The following SDHAF3 variants were observed in gnomAD, a reference collection of about 807,000 sequenced individuals.
The protein encoded by SDHAF3 is succinate dehydrogenase complex assembly factor 3.
Under a neutral mutation model 11.5 loss-of-function variants are expected in SDHAF3, and 18 were observed. The observed-to-expected ratio is 1.56, with a 90% CI of 1.08 to 2.32. The LOEUF is 2.32. Ranked by LOEUF, SDHAF3 falls within the 30% of genes most tolerant of loss-of-function variation. SDHAF3 has a pLI of 0.00. For synonymous variants in SDHAF3, 72 were observed against 59.3 expected, an observed-to-expected ratio of 1.21 and a Z score of -0.99; for missense variants, 200 against 154.4, an observed-to-expected ratio of 1.30 and a Z score of -1.57.
rs1337892153 is a variant in SDHAF3, at chr7:97,181,725, A to G, written c.*510A>G. 1 of 153,552 alleles carries G rather than the reference A, an allele frequency of 6.5e-6. No homozygotes were observed. Among genetic ancestry groups the G allele is most frequent in the African/African-American group, 2.4e-5 (1 of 41,442 alleles). 9.5% of individuals were successfully genotyped at this position (153,552 alleles called of 1,614,324 possible). ...AAGAAGCTTTAAAATTCACTATTTT[A>G]CTATCAATCATTTGTATAATAAACT... On this transcript the variant is annotated 3_prime_UTR_variant, in exon 2 of 2. Transcript: ENST00000432641.
intron 1 of SDHAF3, among the ~76,000 whole-genome samples, chr7:97,145,503 A>T (rs1292612915): frequency 1.3e-5 from 2 of 152,172 alleles, no homozygotes; most frequent in Non-Finnish European, 2.9e-5. Flanking sequence ...ATAGTGTTTA[A>T]ATAATTGGTT....
At chr7:97,160,411 G>A (rs750311565) in intron 1 of SDHAF3, among the ~76,000 whole-genome samples, 16 of 152,068 alleles carry the variant, frequency 1.1e-4, no homozygotes, top group Non-Finnish European at 2.2e-4. Context: ...AAGAGACAGC[G>A]ACCATCGAGA....
At position 97,179,940 on chromosome 7, in the gene SDHAF3, G is replaced by A. The variant is rs566884422; in HGVS notation, c.175-1072G>A. On this transcript the variant is annotated intron_variant, in intron 1 of 1. Transcript: ENST00000432641. ...ATTACAAGCAATTTATATATCTCAA[G>A]CCAGATCAGGTAGCAGCATTATCCA... Among the ~76,000 whole-genome samples, 12 of 152,324 alleles carry A rather than the reference G, an allele frequency of 7.9e-5. No individual in the cohort carries two copies. In the South Asian group the frequency reaches 1.9e-3, roughly 24 times the overall value.
intron 1 of SDHAF3, among the ~76,000 whole-genome samples, chr7:97,174,422 T>C (rs1789650223): frequency 6.6e-6 from 1 of 152,208 alleles, no homozygotes; most frequent in Non-Finnish European, 1.5e-5. Context: ...CTAACATTGA[T>C]GCAATATTAT....
intron 1 of SDHAF3, among the ~76,000 whole-genome samples, chr7:97,143,628 GTTAA>G (rs1789090774): frequency 2.0e-5 from 3 of 151,642 alleles, no homozygotes; most frequent in Non-Finnish European, 2.9e-5. Flanking sequence ...TGCAAATGTT[GTTAA>G]TTCATTCCTT....
chr7:97,127,966 C>T (rs1291380704), intron 1 of SDHAF3, among the ~76,000 whole-genome samples: 4 of 140,560 alleles, frequency 2.8e-5, no homozygotes, highest in African/African-American at 5.4e-5. Context: ...AGTGGCACTG[C>T]GTCGGCTCAC....
intron 1 of SDHAF3, among the ~76,000 whole-genome samples, chr7:97,129,895 T>C (rs1309681711): frequency 6.6e-6 from 1 of 152,030 alleles, no homozygotes; most frequent in Non-Finnish European, 1.5e-5. Context: ...CACAGCCAGG[T>C]GTGCTGGCTG....
At chr7:97,146,899 G>A (rs771097526) in intron 1 of SDHAF3, among the ~76,000 whole-genome samples, 3 of 150,940 alleles carry the variant, frequency 2.0e-5, no homozygotes, top group East Asian at 2.0e-4. Context: ...CCATTCTCAC[G>A]CCTGGCTAAT....
At chr7:97,164,327 G>A (rs1789466443) in intron 1 of SDHAF3, among the ~76,000 whole-genome samples, 1 of 149,756 alleles carries the variant, frequency 6.7e-6, no homozygotes, top group Admixed American at 6.7e-5. Flanking sequence ...TCAACAGATT[G>A]TATGGTGGCA....
At chr7:97,128,812 T>C (rs914081569) in intron 1 of SDHAF3, among the ~76,000 whole-genome samples, 4 of 152,064 alleles carry the variant, frequency 2.6e-5, no homozygotes, top group Admixed American at 1.3e-4. Flanking sequence ...ACATAGGGAG[T>C]AGAATTAACT....
At chr7:97,156,247 T>C (rs553065250) in intron 1 of SDHAF3, among the ~76,000 whole-genome samples, 1 of 152,334 alleles carries the variant, frequency 6.6e-6, no homozygotes, top group African/African-American at 2.4e-5. Context: ...ACACATAGTC[T>C]TTTGTAGAAT....
intron 1 of SDHAF3, among the ~76,000 whole-genome samples, chr7:97,159,820 C>G (rs1789371447): frequency 6.6e-6 from 1 of 152,100 alleles, no homozygotes; most frequent in Non-Finnish European, 1.5e-5. Flanking sequence ...GTAAGCTTTC[C>G]ATTAGTTTCG....
intron 1 of SDHAF3, among the ~76,000 whole-genome samples, chr7:97,158,275 G>A (rs1286944000): frequency 1.3e-5 from 2 of 151,870 alleles, no homozygotes; most frequent in Non-Finnish European, 1.5e-5. Flanking sequence ...ACCTTTTTTT[G>A]TTGTTTAATG....
intron 1 of SDHAF3, among the ~76,000 whole-genome samples, chr7:97,174,496 G>A (rs1789651430): frequency 6.6e-6 from 1 of 152,160 alleles, no homozygotes; most frequent in Admixed American, 6.5e-5. Context: ...GTTTCTTTCT[G>A]TTCCAGGGCC....
intron 1 of SDHAF3, among the ~76,000 whole-genome samples, chr7:97,160,347 TGAG>T (rs1313338519): frequency 6.6e-6 from 1 of 151,180 alleles, no homozygotes; most frequent in African/African-American, 2.4e-5. Flanking sequence ...ATCTGGGAAG[TGAG>T]GAGCGCCTCT....
intron 1 of SDHAF3, among the ~76,000 whole-genome samples, chr7:97,157,525 T>G (rs972216024): frequency 3.3e-5 from 5 of 152,188 alleles, no homozygotes; most frequent in Admixed American, 3.3e-4. Flanking sequence ...GGTGGGACTG[T>G]AAACTAGTTC....
At chr7:97,138,316 C>T (rs908229160) in intron 1 of SDHAF3, among the ~76,000 whole-genome samples, 6 of 152,078 alleles carry the variant, frequency 3.9e-5, no homozygotes, top group African/African-American at 1.4e-4. Context: ...CCTGCCACCA[C>T]ACCTGGCTAA....
intron 1 of SDHAF3, among the ~76,000 whole-genome samples, chr7:97,171,346 C>T (rs1376691121): frequency 6.6e-6 from 1 of 151,976 alleles, no homozygotes; most frequent in Non-Finnish European, 1.5e-5. Context: ...AATAATTTTT[C>T]AAAACTATAA....
intron 1 of SDHAF3, among the ~76,000 whole-genome samples, chr7:97,170,101 T>G (rs1256069385): frequency 2.0e-5 from 3 of 151,704 alleles, no homozygotes; most frequent in South Asian, 2.1e-4. Context: ...CTAGTTCGTT[T>G]TTTTTTTTTA....
Sources: allele counts gnomAD v4.1 joint callset (sites outside exome capture counted in the v4.1 genomes callset), GRCh38; gene constraint gnomAD v4.1.1; transcripts MANE v1.5; gene names NCBI Gene and HGNC (gene_info 2026-07-23, HGNC 2026-07-21).